Variants in LTBP2 observed in about 807,000 individuals in gnomAD.
The protein encoded by LTBP2 is latent transforming growth factor beta binding protein 2.
In LTBP2, 103 loss-of-function variants were observed where a neutral mutation model predicts 210.6. The observed-to-expected ratio is 0.49, with a 90% confidence interval of 0.42 to 0.58. The LOEUF (loss-of-function observed/expected upper bound fraction) is 0.58, where lower values mean the gene tolerates loss of function less well. LTBP2 is among the 20% of genes least tolerant of loss of function. The pLI is 0.00. For missense variants in LTBP2, 2,313 were observed against 2,494.5 expected (o/e 0.93, Z 1.55); for synonymous variants, 1,007 against 1,015.0 (o/e 0.99, Z 0.15).
At chr14:74,513,927 C>T (rs1394989282) in intron 18 of LTBP2, among the ~76,000 whole-genome samples, 1 of 152,224 alleles carries the variant, frequency 6.6e-6, no homozygotes, top group Non-Finnish European at 1.5e-5. Flanking sequence ...AGACCAGAGC[C>T]CCAGCCAGTG....
At chr14:74,510,779 G>A (rs1439717545) in intron 19 of LTBP2, among the ~76,000 whole-genome samples, 2 of 152,226 alleles carry the variant, frequency 1.3e-5, no homozygotes, top group East Asian at 3.9e-4. Flanking sequence ...TCTTCCTGAG[G>A]GGGCTGCAGG....
chr14:74,582,393 T>TACAC (rs1491144261), intron 3 of LTBP2, among the ~76,000 whole-genome samples: 27 of 87,516 alleles, frequency 3.1e-4, no homozygotes, highest in African/African-American at 1.2e-3. Flanking sequence ...CACACACACA[T>TACAC]ACATACACAC....
Position 74,603,616 on chromosome 14 carries a change from T to C in LTBP2, c.565+19A>G. On this transcript the variant is annotated intron_variant, in intron 2 of 35. Transcript: ENST00000261978. ...ACGTTTGATAGAGCGGAGTGTCTGC[T>C]ACTGGTGGAGGCACTCACGTTTGAT... 6.2e-7 allele frequency: 1 copy of C among 1,613,606 alleles called. No homozygotes were observed. The highest frequency in any genetic ancestry group is 1.1e-5 in the South Asian group (1 of 91,066).
At chr14:74,505,993 C>T in intron 28 of LTBP2, 55 bp downstream of exon 28, 4 of 1,604,980 alleles carry the variant, frequency 2.5e-6, no homozygotes, top group Non-Finnish European at 3.4e-6. Flanking sequence ...TGCAGAGGGA[C>T]ACGCTCTCTG....
chr14:74,528,079 C>T (rs2087297856), intron 12 of LTBP2, among the ~76,000 whole-genome samples: 2 of 152,260 alleles, frequency 1.3e-5, no homozygotes, highest in Admixed American at 1.3e-4. Flanking sequence ...GGAGTTAGCA[C>T]TCTGACTCCA....
intron 29 of LTBP2, 30 bp from the exon 30 acceptor site, chr14:74,504,891 G>T (rs1425073477): frequency 6.2e-7 from 1 of 1,613,180 alleles, no homozygotes; most frequent in Admixed American, 1.7e-5. Flanking sequence ...AGCTCAGAGT[G>T]GGGAGGGCCC....
At chr14:74,577,476 G>A (rs2088073372) in intron 3 of LTBP2, among the ~76,000 whole-genome samples, 1 of 152,056 alleles carries the variant, frequency 6.6e-6, no homozygotes. Context: ...AAGATGGCCA[G>A]GCTGGCCGGA....
At chr14:74,506,245 T>C in intron 27 of LTBP2, 54 bp from the exon 28 acceptor site, 1 of 1,612,302 alleles carries the variant, frequency 6.2e-7, no homozygotes, top group Admixed American at 1.7e-5. Context: ...CCGTGCCCCC[T>C]GCCCCTGACT....
chr14:74,535,295 G>A (rs188010050), intron 9 of LTBP2, among the ~76,000 whole-genome samples: 68 of 152,222 alleles, frequency 4.5e-4, no homozygotes, highest in East Asian at 1.7e-3. Flanking sequence ...TCAATCCCCT[G>A]TCTCTGACCC....
intron 15 of LTBP2, 37 bp from the exon 16 acceptor site, chr14:74,522,955 G>A: frequency 6.2e-7 from 1 of 1,601,692 alleles, no homozygotes; most frequent in East Asian, 2.2e-5. Flanking sequence ...TTATGGCAGG[G>A]TGGGTGCTGG....
intron 3 of LTBP2, among the ~76,000 whole-genome samples, chr14:74,563,231 A>C (rs2087818581): frequency 6.6e-6 from 1 of 152,162 alleles, no homozygotes; most frequent in Non-Finnish European, 1.5e-5. Flanking sequence ...CCCCTTTCCC[A>C]CACTGCTTTC....
At chr14:74,551,840 G>C (rs1395794381) in intron 6 of LTBP2, among the ~76,000 whole-genome samples, 1 of 152,136 alleles carries the variant, frequency 6.6e-6, no homozygotes, top group Non-Finnish European at 1.5e-5. Flanking sequence ...TGGAAGGCAG[G>C]GAAAATGAAA....
chr14:74,502,939 CAG>C lies in LTBP2; in HGVS notation c.4889-7_4889-6del, dbSNP rs750589296. 2 of 1,610,972 alleles carry C rather than the reference CAG, an allele frequency of 1.2e-6. No homozygotes were observed. The highest frequency in any genetic ancestry group is 1.7e-6 in the Non-Finnish European group (2 of 1,179,912). On this transcript the variant is annotated splice_polypyrimidine_tract_variant and splice_region_variant and intron_variant, in intron 33 of 35. Coordinates refer to ENST00000261978, the MANE Select transcript of LTBP2 (RefSeq NM_000428.3). ...TGCACAGCTGAGCATAGACCTCTGT[CAG>C]GGAGGAGGGAGAGAAGGAGCTGGGT...
At chr14:74,553,096 G>T (rs763518320) in intron 4 of LTBP2, 34 bp from the exon 5 acceptor site, 1 of 1,607,816 alleles carries the variant, frequency 6.2e-7, no homozygotes. Flanking sequence ...AGGGGGCAGG[G>T]CTGAGAGGCA....
intron 3 of LTBP2, among the ~76,000 whole-genome samples, chr14:74,562,536 T>TCC (rs1412850844): frequency 6.6e-6 from 1 of 151,928 alleles, no homozygotes; most frequent in Non-Finnish European, 1.5e-5. Context: ...AAGATGAGTC[T>TCC]CCATAATATC....
chr14:74,548,991 C>A (rs1322626563), intron 8 of LTBP2, among the ~76,000 whole-genome samples: 2 of 152,238 alleles, frequency 1.3e-5, no homozygotes, highest in Admixed American at 6.5e-5. Context: ...GTAGTCACTG[C>A]TCCACAGCTG....
chr14:74,577,767 A>G (rs1014937864), intron 3 of LTBP2, among the ~76,000 whole-genome samples: 1 of 130,140 alleles, frequency 7.7e-6, no homozygotes, highest in African/African-American at 3.0e-5. Flanking sequence ...TCAGCCTCCC[A>G]AAGTGCTGGG....
chr14:74,508,078 T>G lies in LTBP2; in HGVS notation c.3670A>C (p.Thr1224Pro), dbSNP rs1206993366. The change falls in exon 25 of 36, where the codon ACC (threonine) becomes CCC (proline). Residue 1224 changes from threonine to proline, a missense_variant. Physicochemically the swap from Thr to Pro is conservative, Grantham distance 38 (BLOSUM62 -1). Transcript: ENST00000261978. ...TSCQDVDECA[T>P]TDPCVGGHCV... ...TGCCCTCCCACACACGGGTCTGTGG[T>G]GGCACACTCGTCCACATCTAGAGTA... is the stretch of plus-strand genomic sequence containing the variant. 6.2e-7 allele frequency: 1 copy of G among 1,613,850 alleles called. No homozygotes were observed. The highest frequency in any genetic ancestry group is 8.5e-7 in the Non-Finnish European group (1 of 1,180,014).
In LTBP2 at chr14:74,522,781, A is replaced by G. The variant is rs369545565; in HGVS notation, c.2659+9T>C. On this transcript the variant is annotated intron_variant, in intron 16 of 35. Coordinates refer to ENST00000261978, the MANE Select transcript of LTBP2 (RefSeq NM_000428.3). Reference sequence around the variant, plus strand: ...CCGCCAAGTAAGCCCAGGGCACCCAAGTGAATACCTGTGCAGTAGGCCTGG... The same window carrying G: ...CCGCCAAGTAAGCCCAGGGCACCCAGGTGAATACCTGTGCAGTAGGCCTGG... 3.1e-6 allele frequency: 5 copies of G among 1,609,060 alleles called. No individual in the cohort carries two copies. In the African/African-American group the frequency reaches 6.7e-5, roughly 21 times the overall value.
Sources: gnomAD v4.1 joint callset for allele counts (sites outside exome capture counted in the v4.1 genomes callset) on GRCh38, gnomAD v4.1.1 for gene constraint, MANE v1.5 for transcripts, NCBI Gene and HGNC (gene_info 2026-07-23, HGNC 2026-07-21) for gene names.